The following LOC128462377 variants were observed in gnomAD, a reference collection of about 807,000 sequenced individuals.
At chr16:89,394,190 C>T in the LOC128462377 span, among the ~76,000 whole-genome samples, 1 of 151,898 alleles carries the variant, frequency 6.6e-6, no homozygotes, top group Admixed American at 6.5e-5. Context: ...GTGGCAGGAG[C>T]CTCTGACCTG....
chr16:89,377,343 G>A, the LOC128462377 span, among the ~76,000 whole-genome samples: 1 of 152,118 alleles, frequency 6.6e-6, no homozygotes, highest in South Asian at 2.1e-4. Context: ...TATAGAGAAA[G>A]CCATGAAAGC....
the LOC128462377 span, chr16:89,360,776 C>T: frequency 6.6e-6 from 1 of 152,222 alleles, no homozygotes; most frequent in African/African-American, 2.4e-5. Context: ...GAAAAGATTT[C>T]GATTCACTAA....
At chr16:89,415,040 G>A in the LOC128462377 span, among the ~76,000 whole-genome samples, 14 of 152,002 alleles carry the variant, frequency 9.2e-5, no homozygotes, top group Non-Finnish European at 1.8e-4. Context: ...AACCTCCTGG[G>A]CTCAAGTGAT....
At chr16:89,353,041 A>G in the LOC128462377 span, among the ~76,000 whole-genome samples, 1 of 152,238 alleles carries the variant, frequency 6.6e-6, no homozygotes, top group Non-Finnish European at 1.5e-5. Context: ...AGTTAAAATT[A>G]TAACAAGAGA....
the LOC128462377 span, among the ~76,000 whole-genome samples, chr16:89,399,238 T>C: frequency 6.6e-6 from 1 of 152,120 alleles, no homozygotes; most frequent in Non-Finnish European, 1.5e-5. Context: ...TTGTTTATTC[T>C]TCATTTATCC....
At chr16:89,366,087 G>A in the LOC128462377 span, among the ~76,000 whole-genome samples, 51 of 133,798 alleles carry the variant, frequency 3.8e-4, no homozygotes, top group Admixed American at 1.5e-3. Flanking sequence ...CTAAAATGGC[G>A]CCACTGCACT....
At chr16:89,318,100 C>T in the LOC128462377 span, among the ~76,000 whole-genome samples, 1 of 152,206 alleles carries the variant, frequency 6.6e-6, no homozygotes, top group African/African-American at 2.4e-5. Flanking sequence ...CCCCTGCTTC[C>T]GACTCCCACC....
chr16:89,382,562 A>G, the LOC128462377 span, among the ~76,000 whole-genome samples: 13 of 152,128 alleles, frequency 8.5e-5, no homozygotes, highest in South Asian at 2.1e-4. Context: ...CCTGACCTCA[A>G]GTGATCCACC....
At chr16:89,374,290 T>C in the LOC128462377 span, among the ~76,000 whole-genome samples, 1 of 152,122 alleles carries the variant, frequency 6.6e-6, no homozygotes, top group East Asian at 1.9e-4. Context: ...TAAAAAATAT[T>C]ACTAGAGAGC....
the LOC128462377 span, among the ~76,000 whole-genome samples, chr16:89,347,808 T>C: frequency 1.3e-5 from 2 of 152,156 alleles, no homozygotes. Context: ...AGGAAAAACA[T>C]ATTCAGTTTT....
chr16:89,390,287 G>A, the LOC128462377 span, among the ~76,000 whole-genome samples: 17 of 147,096 alleles, frequency 1.2e-4, no homozygotes, highest in Admixed American at 3.4e-4. Context: ...CGAGAGAGAA[G>A]ATCACTGGGG....
At chr16:89,350,319 C>G in the LOC128462377 span, among the ~76,000 whole-genome samples, 2 of 152,274 alleles carry the variant, frequency 1.3e-5, no homozygotes, top group East Asian at 3.9e-4. Context: ...CCGAGAAACC[C>G]AGACCCAGAA....
chr16:89,322,510 G>A, the LOC128462377 span, among the ~76,000 whole-genome samples: 1 of 152,232 alleles, frequency 6.6e-6, no homozygotes, highest in Non-Finnish European at 1.5e-5. Context: ...AGAGGCCCAG[G>A]AGGAGGAAGA....
chr16:89,401,175 C>A, the LOC128462377 span, among the ~76,000 whole-genome samples: 1 of 140,586 alleles, frequency 7.1e-6, no homozygotes. Context: ...CTCATTGCAA[C>A]CTCTGCCTCC....
the LOC128462377 span, among the ~76,000 whole-genome samples, chr16:89,330,080 T>C: frequency 6.6e-6 from 1 of 152,184 alleles, no homozygotes; most frequent in Non-Finnish European, 1.5e-5. Flanking sequence ...ATAAACATTT[T>C]AATAATGTTT....
chr16:89,394,721 C>G, the LOC128462377 span, among the ~76,000 whole-genome samples: 1,861 of 152,088 alleles, frequency 0.012, 34 homozygotes, highest in African/African-American at 0.043. Context: ...CTTTCATATA[C>G]AGGAGTCGTG....
At chr16:89,343,627 C>T in the LOC128462377 span, 1 of 152,252 alleles carries the variant, frequency 6.6e-6, no homozygotes, top group Admixed American at 6.5e-5. Flanking sequence ...AGTCAGAAAA[C>T]ACAAGGCAGC....
At chr16:89,388,444 T>A in the LOC128462377 span, among the ~76,000 whole-genome samples, 3 of 152,000 alleles carry the variant, frequency 2.0e-5, no homozygotes, top group African/African-American at 7.3e-5. Flanking sequence ...TGAGGTTGAT[T>A]TTTAATGTCT....
At chr16:89,330,875 G>A in the LOC128462377 span, among the ~76,000 whole-genome samples, 2 of 152,114 alleles carry the variant, frequency 1.3e-5, no homozygotes, top group Admixed American at 1.3e-4. Flanking sequence ...TTAAAACCTG[G>A]TAATTTGACT....
Sources: allele counts gnomAD v4.1 joint callset (sites outside exome capture counted in the v4.1 genomes callset), GRCh38; gene constraint gnomAD v4.1.1; transcripts MANE v1.5.